PDSS2: variants seen among roughly 807,000 people sequenced by gnomAD.
PDSS2 encodes decaprenyl diphosphate synthase subunit 2.
Under a neutral mutation model 44.5 loss-of-function variants are expected in PDSS2, and 31 were observed. That is an observed-to-expected ratio of 0.70 (90% confidence interval 0.52 to 0.94). PDSS2 has a LOEUF of 0.94. PDSS2 is among the 40% of genes least tolerant of loss of function. The probability of loss-of-function intolerance (pLI) is 0.00; values close to 1 mark genes in which losing one functional copy is unlikely to be tolerated. For missense variants in PDSS2, 452 were observed against 482.2 expected (o/e 0.94, Z 0.59); for synonymous variants, 157 against 180.3 (o/e 0.87, Z 1.03).
In PDSS2 at chr6:107,459,505, G is replaced by A. The variant is rs1451396217; in HGVS notation, c.-220C>T. On this transcript the variant is annotated 5_prime_UTR_variant, in exon 1 of 8. Transcript: ENST00000369037. This position sits in a 1 kb window ranked among gnomAD's most constrained non-coding sequence, Gnocchi z 4.3. ...ACAGTCCCAGCTCAGCACTGCCCCC[G>A]GCCACCCGGGGTAGAAACCACAGCC... The A allele has an allele frequency of 3.4e-6, 2 of 579,816 alleles. No homozygotes were observed. The highest frequency in any genetic ancestry group is 3.1e-5 in the Admixed American group (1 of 31,952). The allele number at this position is 579,816 out of a possible 1,614,324, so 35.9% of individuals were successfully genotyped here. A position where few individuals can be genotyped will look rare whatever the true frequency, so the allele number is the denominator to read the frequency against.
At chr6:107,210,953 G>A (rs548136924) in intron 5 of PDSS2, among the ~76,000 whole-genome samples, 21 of 148,608 alleles carry the variant, frequency 1.4e-4, no homozygotes, top group Non-Finnish European at 2.8e-4. Context: ...CCGAGATTGC[G>A]CCACTGCACT....
chr6:107,397,719 A>G (rs111235693), intron 1 of PDSS2, among the ~76,000 whole-genome samples: 9 of 152,320 alleles, frequency 5.9e-5, no homozygotes, highest in African/African-American at 1.9e-4. Flanking sequence ...AGTAAGAAAA[A>G]TAACAGTATT....
chr6:107,389,680 C>T (rs966108632), intron 1 of PDSS2, among the ~76,000 whole-genome samples: 1 of 152,066 alleles, frequency 6.6e-6, no homozygotes, highest in East Asian at 1.9e-4. Flanking sequence ...ATTATAGAAA[C>T]ATGTGTATAC....
intron 1 of PDSS2, among the ~76,000 whole-genome samples, chr6:107,385,520 T>G (rs965969924): frequency 6.6e-6 from 1 of 152,220 alleles, no homozygotes; most frequent in Non-Finnish European, 1.5e-5. Context: ...CAATCTTTCA[T>G]GGATAAATCA....
intron 1 of PDSS2, among the ~76,000 whole-genome samples, chr6:107,352,439 T>C (rs1778461149): frequency 6.6e-6 from 1 of 152,250 alleles, no homozygotes; most frequent in South Asian, 2.1e-4. Context: ...TTTATGAATA[T>C]GTAATTTTAG....
At chr6:107,270,384 T>C (rs148683056) in intron 3 of PDSS2, among the ~76,000 whole-genome samples, 2,565 of 151,314 alleles carry the variant, frequency 0.017, 74 homozygotes, top group African/African-American at 0.059. Flanking sequence ...AGTGCTGGGA[T>C]TACAGGCATG....
At chr6:107,434,058 T>C (rs1781273202) in intron 1 of PDSS2, among the ~76,000 whole-genome samples, 1 of 152,116 alleles carries the variant, frequency 6.6e-6, no homozygotes, top group African/African-American at 2.4e-5. Flanking sequence ...CAACGAGATA[T>C]CATCTCACCC....
At chr6:107,220,145 T>TAC (rs1773552761) in intron 4 of PDSS2, among the ~76,000 whole-genome samples, 3 of 10,196 alleles carry the variant, frequency 2.9e-4, no homozygotes, top group Admixed American at 2.7e-3. Flanking sequence ...AAAAATGATT[T>TAC]GGTAATGACT....
intron 3 of PDSS2, 72 bp downstream of exon 3, chr6:107,273,957 C>T (rs1775687291): frequency 8.5e-7 from 1 of 1,176,956 alleles, no homozygotes; most frequent in Non-Finnish European, 1.3e-6. Context: ...GGCACACAGA[C>T]CTGCAGCTCC....
intron 4 of PDSS2, among the ~76,000 whole-genome samples, chr6:107,226,184 C>T (rs1773814089): frequency 6.6e-6 from 1 of 152,162 alleles, no homozygotes; most frequent in Non-Finnish European, 1.5e-5. Flanking sequence ...TAGCAGGCGC[C>T]TGTAGTCCCA....
intron 2 of PDSS2, among the ~76,000 whole-genome samples, chr6:107,319,895 T>C (rs1299425117): frequency 3.3e-5 from 5 of 152,198 alleles, no homozygotes; most frequent in African/African-American, 9.6e-5. Context: ...GGTCTATCTA[T>C]AGAGAGAGAT....
intron 3 of PDSS2, among the ~76,000 whole-genome samples, chr6:107,251,337 ATCT>A (rs903911376): frequency 1.3e-5 from 2 of 152,328 alleles, no homozygotes; most frequent in East Asian, 1.9e-4. Flanking sequence ...CAGATTTGTA[ATCT>A]TCTTGCAAAA....
At chr6:107,233,614 C>A (rs557353434) in intron 4 of PDSS2, among the ~76,000 whole-genome samples, 89 of 152,070 alleles carry the variant, frequency 5.9e-4, no homozygotes, top group African/African-American at 2.0e-3. Flanking sequence ...GAGTTCCAGA[C>A]CAGCCCGGGC....
chr6:107,186,310 G>C (rs1772162244), intron 7 of PDSS2, among the ~76,000 whole-genome samples: 1 of 152,144 alleles, frequency 6.6e-6, no homozygotes, highest in African/African-American at 2.4e-5. Context: ...TCTGTGTACA[G>C]ACCACTATTT....
At chr6:107,174,366 T>A (rs1771712475) in intron 7 of PDSS2, among the ~76,000 whole-genome samples, 1 of 152,014 alleles carries the variant, frequency 6.6e-6, no homozygotes, top group Non-Finnish European at 1.5e-5. Context: ...ATGACTAGAG[T>A]TGTCTAACAA....
intron 1 of PDSS2, among the ~76,000 whole-genome samples, chr6:107,384,597 C>A (rs767595940): frequency 6.6e-6 from 1 of 150,940 alleles, no homozygotes; most frequent in Non-Finnish European, 1.5e-5. Flanking sequence ...GTCGAGATCA[C>A]GCTATTGCAT....
chr6:107,177,759 C>T (rs1771843953), intron 7 of PDSS2, among the ~76,000 whole-genome samples: 1 of 152,128 alleles, frequency 6.6e-6, no homozygotes, highest in Admixed American at 6.6e-5. Context: ...CAAAACATGT[C>T]ATAGGCTGTA....
At chr6:107,175,274 T>C (rs1771750172) in intron 7 of PDSS2, among the ~76,000 whole-genome samples, 2 of 151,922 alleles carry the variant, frequency 1.3e-5, no homozygotes, top group South Asian at 4.1e-4. Context: ...CCTATATCTA[T>C]CTTCTACCCT....
intron 1 of PDSS2, among the ~76,000 whole-genome samples, chr6:107,367,653 G>A (rs537023057): frequency 6.6e-6 from 1 of 152,188 alleles, no homozygotes; most frequent in East Asian, 1.9e-4. Context: ...AGGTGCGGTG[G>A]CGGGCAAGTG....
Sources: allele counts gnomAD v4.1 joint callset (sites outside exome capture counted in the v4.1 genomes callset), GRCh38; gene constraint gnomAD v4.1.1; non-coding constraint Gnocchi (gnomAD v3.1); transcripts MANE v1.5; gene names NCBI Gene and HGNC (gene_info 2026-07-23, HGNC 2026-07-21).